The following NALCN variants were observed in gnomAD, a reference collection of about 807,000 sequenced individuals.
NALCN encodes sodium leak channel, non-selective.
A neutral mutation model predicts 225.3 loss-of-function variants in NALCN; 111 were observed. That is an observed-to-expected ratio of 0.49 (90% CI 0.42 to 0.58). NALCN has a LOEUF of 0.58. NALCN is among the 20% of genes least tolerant of loss of function. NALCN has a pLI of 0.00. For missense variants in NALCN, 1,378 were observed against 2,202.4 expected, an observed-to-expected ratio of 0.63 and a Z score of 7.49; for synonymous variants, 764 against 769.0, an observed-to-expected ratio of 0.99 and a Z score of 0.11.
chr13:101,163,047 G>A (rs1417391911), intron 15 of NALCN, among the ~76,000 whole-genome samples: 3 of 151,660 alleles, frequency 2.0e-5, no homozygotes, highest in Admixed American at 1.3e-4. Context: ...GACTACAGGC[G>A]CCCGCCACTA....
chr13:101,237,014 T>C (rs1263483545), intron 12 of NALCN, among the ~76,000 whole-genome samples: 3 of 151,066 alleles, frequency 2.0e-5, no homozygotes, highest in African/African-American at 7.3e-5. Context: ...AATGACTACA[T>C]TTGAGGTGTT....
At position 101,305,443 on chromosome 13, in the gene NALCN, A is replaced by C. The variant is rs146491915; in HGVS notation, c.800-13077T>G. ...TAAAGAGGCACAAGGACATTTTATC[A>C]TCTACATAGACATTTTAGCAAGACA... On this transcript the variant is annotated intron_variant, in intron 7 of 43. Transcript: ENST00000251127. 5.4e-3 allele frequency among the ~76,000 whole-genome samples: 816 copies of C among 152,380 alleles called. 7 individuals are homozygous for C. Among genetic ancestry groups the C allele is most frequent in the Middle Eastern group, 0.031 (9 of 294 alleles).
At chr13:101,094,274 G>A (rs1011329864) in intron 28 of NALCN, among the ~76,000 whole-genome samples, 1 of 152,132 alleles carries the variant, frequency 6.6e-6, no homozygotes, top group Non-Finnish European at 1.5e-5. Context: ...GTGATGAGCA[G>A]CCTGGCCACA....
chr13:101,303,496 T>C (rs934096217), intron 7 of NALCN, among the ~76,000 whole-genome samples: 3 of 152,162 alleles, frequency 2.0e-5, no homozygotes, highest in Non-Finnish European at 4.4e-5. Flanking sequence ...ACTTTTTCTA[T>C]TTACGTTTTA....
intron 7 of NALCN, among the ~76,000 whole-genome samples, chr13:101,322,206 T>A (rs145623992): frequency 6.1e-4 from 93 of 152,318 alleles, no homozygotes; most frequent in Non-Finnish European, 1.1e-3. Flanking sequence ...ATATAGGGAA[T>A]TCACACAGAT....
intron 13 of NALCN, among the ~76,000 whole-genome samples, chr13:101,204,422 TAAAG>T (rs545169354): frequency 1.4e-4 from 21 of 152,136 alleles, no homozygotes; most frequent in African/African-American, 5.1e-4. Context: ...CTTAAATGAA[TAAAG>T]AGAGAGGAGA....
intron 30 of NALCN, among the ~76,000 whole-genome samples, chr13:101,087,100 T>C (rs1373982896): frequency 6.6e-6 from 1 of 152,148 alleles, no homozygotes; most frequent in Non-Finnish European, 1.5e-5. Flanking sequence ...GGTTAATAAA[T>C]CAAACACATT....
At chr13:101,406,685 A>T (rs2047636638) in intron 1 of NALCN, among the ~76,000 whole-genome samples, 1 of 152,202 alleles carries the variant, frequency 6.6e-6, no homozygotes, top group Non-Finnish European at 1.5e-5. Flanking sequence ...AAATCATCAA[A>T]CCTCTCATTA....
At chr13:101,094,105 T>C (rs2139569394) in intron 28 of NALCN, among the ~76,000 whole-genome samples, 1 of 152,304 alleles carries the variant, frequency 6.6e-6, no homozygotes, top group East Asian at 1.9e-4. Context: ...GATTCTCAAG[T>C]CTGGCTCCTG....
chr13:101,146,916 T>C (rs377150498), intron 15 of NALCN, among the ~76,000 whole-genome samples: 141 of 152,080 alleles, frequency 9.3e-4, no homozygotes, highest in South Asian at 6.0e-3. Context: ...ACACAAGGTA[T>C]AGAGCAAAGA....
chr13:101,388,148 T>C (rs1428301968), intron 3 of NALCN, among the ~76,000 whole-genome samples: 2 of 152,152 alleles, frequency 1.3e-5, no homozygotes, highest in African/African-American at 4.8e-5. Flanking sequence ...GAGGCCATGA[T>C]GGTAAAAATT....
At chr13:101,211,448 T>C (rs958955500) in intron 13 of NALCN, among the ~76,000 whole-genome samples, 1 of 151,990 alleles carries the variant, frequency 6.6e-6, no homozygotes, top group African/African-American at 2.4e-5. Context: ...CAGGAAAAGA[T>C]GGCCAATTTT....
intron 15 of NALCN, among the ~76,000 whole-genome samples, chr13:101,161,967 T>C (rs991627379): frequency 2.0e-5 from 3 of 152,284 alleles, no homozygotes; most frequent in African/African-American, 7.2e-5. Flanking sequence ...CCACACTTAC[T>C]CTATACCACT....
At chr13:101,199,662 G>T (rs1043437037) in intron 13 of NALCN, among the ~76,000 whole-genome samples, 1 of 107,076 alleles carries the variant, frequency 9.3e-6, no homozygotes, top group East Asian at 3.5e-4. Context: ...GGTGGGGGGA[G>T]GGGGGAGGGA....
At chr13:101,269,241 T>TATATATATATATATATATATATATA (rs1566509203) in intron 10 of NALCN, among the ~76,000 whole-genome samples, 1 of 147,816 alleles carries the variant, frequency 6.8e-6, no homozygotes. Context: ...TATATATATA[T>TATATATATATATATATATATATATA]TTTAGCCTGG....
chr13:101,357,263 C>T (rs2046091858), intron 6 of NALCN, among the ~76,000 whole-genome samples: 1 of 152,078 alleles, frequency 6.6e-6, no homozygotes, highest in Non-Finnish European at 1.5e-5. Context: ...TTCCAGATGT[C>T]GTGATTCTAT....
chr13:101,246,183 C>G lies in NALCN; in HGVS notation c.1267-8261G>C, dbSNP rs538704715. ...ACAACTTGCAGTCGAGACCCTCTACCAGTAACAACAGCAGAGTTTAACTAA... is the reference window on the plus strand; with the variant it reads ...ACAACTTGCAGTCGAGACCCTCTACGAGTAACAACAGCAGAGTTTAACTAA... On this transcript the variant is annotated intron_variant, in intron 11 of 43. Transcript: ENST00000251127. 2.1e-3 allele frequency among the ~76,000 whole-genome samples: 319 copies of G among 152,246 alleles called. 2 individuals are homozygous for G. Among genetic ancestry groups the G allele is most frequent in the African/African-American group, 7.2e-3 (298 of 41,532 alleles).
intron 7 of NALCN, among the ~76,000 whole-genome samples, chr13:101,315,912 T>C (rs2044537213): frequency 6.6e-6 from 1 of 152,030 alleles, no homozygotes; most frequent in Non-Finnish European, 1.5e-5. Context: ...CTATCTGATA[T>C]GCTCCTGATC....
chr13:101,118,222 C>T (rs1015355898), intron 18 of NALCN, among the ~76,000 whole-genome samples: 2 of 151,882 alleles, frequency 1.3e-5, no homozygotes, highest in African/African-American at 4.8e-5. Context: ...TCCATTTTGC[C>T]GCAAACCTAA....
Sources: gnomAD v4.1 joint callset for allele counts (sites outside exome capture counted in the v4.1 genomes callset) on GRCh38, gnomAD v4.1.1 for gene constraint, MANE v1.5 for transcripts, NCBI Gene and HGNC (gene_info 2026-07-23, HGNC 2026-07-21) for gene names.